Variants in SNX24 observed in about 807,000 individuals in gnomAD.
The protein encoded by SNX24 is sorting nexin-24.
A neutral mutation model predicts 28.7 loss-of-function variants in SNX24; 22 were observed. The observed-to-expected ratio is 0.77, with a 90% CI of 0.55 to 1.10. SNX24 has a LOEUF of 1.10. Among genes scored for constraint, SNX24 ranks in the 50% least tolerant of loss-of-function variants. SNX24 has a pLI of 0.00. For synonymous variants in SNX24, 69 were observed against 71.5 expected (o/e 0.96, Z 0.18); for missense variants, 221 against 201.1 (o/e 1.10, Z -0.60).
chr5:122,998,926 A>C (rs1762144699), intron 3 of SNX24, among the ~76,000 whole-genome samples: 1 of 152,210 alleles, frequency 6.6e-6, no homozygotes, highest in Non-Finnish European at 1.5e-5. Context: ...TTCTTTAAAC[A>C]ACATGTACTT....
chr5:122,994,173 A>G (rs181348631), intron 3 of SNX24, among the ~76,000 whole-genome samples: 1 of 152,204 alleles, frequency 6.6e-6, no homozygotes, highest in South Asian at 2.1e-4. Context: ...GTTTTCAACA[A>G]GATGTTCCAT....
At chr5:123,028,561 CACCA>C (rs1348434504) in intron 5 of SNX24, 24 of 447,116 alleles carry the variant, frequency 5.4e-5, no homozygotes, top group African/African-American at 4.2e-4. Context: ...AGACAATAAA[CACCA>C]AAACAATCCT....
intron 1 of SNX24, among the ~76,000 whole-genome samples, chr5:122,925,328 C>G (rs575585543): frequency 9.0e-4 from 134 of 148,174 alleles, no homozygotes; most frequent in African/African-American, 3.0e-3. Flanking sequence ...GTCTCAACCC[C>G]CTGGGCTCAA....
At chr5:122,854,544 G>A (rs115051568) in intron 1 of SNX24, among the ~76,000 whole-genome samples, 1,726 of 147,962 alleles carry the variant, frequency 0.012, 28 homozygotes, top group Middle Eastern at 0.028. Flanking sequence ...AAAAAACATA[G>A]TGTTACTTAT....
chr5:122,913,265 G>A (rs1340551461), intron 1 of SNX24, among the ~76,000 whole-genome samples: 1 of 151,928 alleles, frequency 6.6e-6, no homozygotes, highest in East Asian at 1.9e-4. Flanking sequence ...GGGCAGAGGG[G>A]CTCCTCACTT....
intron 1 of SNX24, among the ~76,000 whole-genome samples, chr5:122,932,608 G>A (rs971097613): frequency 1.3e-5 from 2 of 152,142 alleles, no homozygotes; most frequent in African/African-American, 2.4e-5. Context: ...AGTGGCTCAC[G>A]CCTGTAATCC....
chr5:122,868,654 C>T (rs1755827779), intron 1 of SNX24, among the ~76,000 whole-genome samples: 1 of 151,946 alleles, frequency 6.6e-6, no homozygotes, highest in Non-Finnish European at 1.5e-5. Context: ...ATTCTGGGAC[C>T]CACTCAAAAC....
chr5:123,014,910 CT>C (rs1170138635), intron 5 of SNX24, among the ~76,000 whole-genome samples: 3 of 152,174 alleles, frequency 2.0e-5, no homozygotes, highest in African/African-American at 7.2e-5. Context: ...TTTCATCCTT[CT>C]TCAAAGGCTG....
chr5:123,017,685 C>T (rs2150186155), intron 5 of SNX24, among the ~76,000 whole-genome samples: 1 of 152,170 alleles, frequency 6.6e-6, no homozygotes, highest in Non-Finnish European at 1.5e-5. Flanking sequence ...GGGGGTGGGT[C>T]TTTCCCATGC....
chr5:122,860,361 G>A (rs906677834), intron 1 of SNX24, among the ~76,000 whole-genome samples: 2 of 152,094 alleles, frequency 1.3e-5, no homozygotes, highest in Admixed American at 1.3e-4. Context: ...ATTAACATAA[G>A]ACATAGACTG....
chr5:122,960,728 G>A (rs972410929), intron 3 of SNX24, among the ~76,000 whole-genome samples: 8 of 152,060 alleles, frequency 5.3e-5, no homozygotes, highest in Non-Finnish European at 7.4e-5. Context: ...GGTCTTCAGC[G>A]CTTTCCAGGT....
intron 1 of SNX24, among the ~76,000 whole-genome samples, chr5:122,924,409 G>A (rs187702780): frequency 1.3e-5 from 2 of 152,188 alleles, no homozygotes; most frequent in South Asian, 2.1e-4. Context: ...ACTAATGGGT[G>A]GGGGTGCAGA....
intron 1 of SNX24, among the ~76,000 whole-genome samples, chr5:122,881,971 ATTTT>A (rs200785867): frequency 7.2e-6 from 1 of 138,954 alleles, no homozygotes. Flanking sequence ...TGTTTGTTGG[ATTTT>A]TTTTTTTTTT....
intron 1 of SNX24, among the ~76,000 whole-genome samples, chr5:122,872,668 T>C (rs892028399): frequency 2.0e-5 from 3 of 152,226 alleles, no homozygotes; most frequent in African/African-American, 4.8e-5. Context: ...AGGGTTGTTA[T>C]ATATTATTTG....
At chr5:122,895,235 G>A (rs911472185) in intron 1 of SNX24, among the ~76,000 whole-genome samples, 1 of 151,880 alleles carries the variant, frequency 6.6e-6, no homozygotes, top group Non-Finnish European at 1.5e-5. Flanking sequence ...AGATGGAAAA[G>A]TATAAAGGAA....
chr5:123,003,895 C>A (rs559627029), intron 6 of SNX24, among the ~76,000 whole-genome samples: 3 of 152,186 alleles, frequency 2.0e-5, no homozygotes, highest in Non-Finnish European at 4.4e-5. Flanking sequence ...AAGGACCAGT[C>A]ACCAGATCTG....
intron 1 of SNX24, among the ~76,000 whole-genome samples, chr5:122,918,389 T>G (rs1484346761): frequency 6.6e-6 from 1 of 152,214 alleles, no homozygotes; most frequent in Non-Finnish European, 1.5e-5. Flanking sequence ...ATTATATAAT[T>G]TGGATGACTA....
chr5:122,953,177 TC>T (rs750063264), intron 3 of SNX24, among the ~76,000 whole-genome samples: 5 of 151,858 alleles, frequency 3.3e-5, no homozygotes, highest in Non-Finnish European at 5.9e-5. Flanking sequence ...CAATCTCAGC[TC>T]ACTGTAACCT....
At chr5:122,900,040 G>A (rs1286203448) in intron 1 of SNX24, among the ~76,000 whole-genome samples, 1 of 151,700 alleles carries the variant, frequency 6.6e-6, no homozygotes, top group African/African-American at 2.4e-5. Context: ...TGTTTTTTGA[G>A]ACAGGGTCTT....
Sources: allele counts gnomAD v4.1 joint callset (sites outside exome capture counted in the v4.1 genomes callset), GRCh38; gene constraint gnomAD v4.1.1; transcripts MANE v1.5; gene names NCBI Gene and HGNC (gene_info 2026-07-23, HGNC 2026-07-21).